The following HLF variants were observed in gnomAD, a reference collection of about 807,000 sequenced individuals.
HLF encodes HLF transcription factor, PAR bZIP family member.
In HLF, 3 loss-of-function variants were observed where a neutral mutation model predicts 22.6. That is an observed-to-expected ratio of 0.13 (90% confidence interval 0.06 to 0.34). HLF has a LOEUF of 0.34. Ranked by LOEUF, HLF falls within the 10% of genes least tolerant of loss-of-function variation. The pLI is 1.00. For missense variants in HLF, 299 were observed against 389.2 expected, an observed-to-expected ratio of 0.77 and a Z score of 1.95; for synonymous variants, 151 against 151.8, an observed-to-expected ratio of 0.99 and a Z score of 0.04.
At chr17:55,288,845 A>AT in intron 2 of HLF, 1 of 733,682 alleles carries the variant, frequency 1.4e-6, no homozygotes, top group Non-Finnish European at 1.7e-6. Flanking sequence ...ATAAAAGTGG[A>AT]TATTGACCCC....
In HLF at chr17:55,320,762, C is replaced by T; in HGVS notation, c.771C>T (p.Ala257=). 6.2e-7 allele frequency: 1 copy of T among 1,613,994 alleles called. No homozygotes were observed. The highest frequency in any genetic ancestry group is 8.5e-7 in the Non-Finnish European group (1 of 1,179,934). ...AAGAGAACCAGATCGCCATCCGGGC[C>T]TCGTTCCTGGAGAAGGAGAACTCGG... ...RLKENQIAIR[A]SFLEKENSAL... Residue 257 remains alanine, a synonymous_variant, in exon 4 of 4, where the codon GCC becomes GCT. Transcript: ENST00000226067. The surrounding 1 kb of genome is among the most constrained non-coding windows in gnomAD (Gnocchi z 4.2).
In HLF at chr17:55,320,554, C is replaced by T. The variant is rs764537983; in HGVS notation, c.673-110C>T. The stretch of plus-strand genomic sequence containing the variant: ...GGAAGGAGACACAAGCTAAGAAACC[C>T]GGGCTGGCACCTCTGCACAATCCTG... On this transcript the variant is annotated intron_variant, in intron 3 of 3. Coordinates refer to ENST00000226067, the MANE Select transcript of HLF (RefSeq NM_002126.5). The surrounding 1 kb of genome is among the most constrained non-coding windows in gnomAD (Gnocchi z 4.2). The T allele has an allele frequency of 1.4e-5, 12 of 852,184 alleles. No homozygotes were observed. Among genetic ancestry groups the T allele is most frequent in the South Asian group, 7.2e-5 (4 of 55,880 alleles). 52.8% of individuals were successfully genotyped at this position (852,184 alleles called of 1,614,324 possible). A position where few individuals can be genotyped will look rare whatever the true frequency, so the allele number is the denominator to read the frequency against.
chr17:55,270,952 C>T (rs1402869093), intron 2 of HLF, among the ~76,000 whole-genome samples: 1 of 152,128 alleles, frequency 6.6e-6, no homozygotes, highest in Non-Finnish European at 1.5e-5. Flanking sequence ...TTGGGTAAAT[C>T]TTGTGTCTTA....
intron 3 of HLF, among the ~76,000 whole-genome samples, chr17:55,319,680 G>A (rs1325644680): frequency 6.6e-6 from 1 of 151,942 alleles, no homozygotes; most frequent in Non-Finnish European, 1.5e-5. Context: ...GTAAATTCTG[G>A]CCACCAATAT....
intron 2 of HLF, among the ~76,000 whole-genome samples, chr17:55,276,438 AG>A (rs1389265451): frequency 1.3e-5 from 2 of 152,230 alleles, no homozygotes; most frequent in Non-Finnish European, 2.9e-5. Context: ...ATAAGGGAGC[AG>A]TATAGCCAAT....
At chr17:55,273,530 T>G (rs1234874292) in intron 2 of HLF, 2 of 152,240 alleles carry the variant, frequency 1.3e-5, no homozygotes, top group Non-Finnish European at 2.9e-5. Flanking sequence ...TTCTCTTCCT[T>G]CTGGGTTGGG....
chr17:55,318,545 A>G (rs1905152340), intron 3 of HLF, among the ~76,000 whole-genome samples: 1 of 152,150 alleles, frequency 6.6e-6, no homozygotes, highest in African/African-American at 2.4e-5. Flanking sequence ...CTTACACCAC[A>G]TCAAGCCTGT....
chr17:55,267,998 C>A lies in HLF; in HGVS notation c.363C>A (p.Pro121=). 2 of 1,613,818 alleles carry A rather than the reference C, an allele frequency of 1.2e-6. No individual in the cohort carries two copies. Among genetic ancestry groups the A allele is most frequent in the Non-Finnish European group, 1.7e-6 (2 of 1,179,846 alleles). The change falls in exon 2 of 4, where the codon CCC becomes CCA. Residue 121 remains proline (P), a synonymous_variant. Coordinates refer to ENST00000226067, the MANE Select transcript of HLF (RefSeq NM_002126.5). ...TGCAGCCAGCTTCCTCGGCTGCCCC[C>A]TCGGTCATGGACCTCAGCAGCCGGG... The part of the protein sequence containing the change: ...PGLQPASSAA[P]SVMDLSSRAS...
intron 2 of HLF, among the ~76,000 whole-genome samples, chr17:55,298,457 G>A (rs1303492047): frequency 6.6e-6 from 1 of 152,156 alleles, no homozygotes; most frequent in Non-Finnish European, 1.5e-5. Flanking sequence ...TTATGCCTGT[G>A]AAATATAAAG....
Position 55,267,757 on chromosome 17 carries a change from G to A in HLF, c.122G>A (p.Ser41Asn), listed in dbSNP as rs2080807884. The A allele has an allele frequency of 6.4e-7, 1 of 1,563,466 alleles. No individual in the cohort carries two copies. Among genetic ancestry groups the A allele is most frequent in the East Asian group, 2.3e-5 (1 of 43,688 alleles). ...GCTTTCCCTTCTTCTGCAGCATTTA[G>A]TAAAGATAAAGACAAGGAAAAGAAG... ...KLPLHHEDAF[S>N]KDKDKEKKLD... Residue 41 changes from serine (S) to asparagine (N), a missense_variant, in exon 2 of 4, where the codon AGT (serine) becomes AAT (asparagine). By Grantham distance (46) the Ser-to-Asn change is conservative. Around this residue, in one of 3 missense-constraint regions of HLF, gnomAD observed 72 missense variants for 74.0 expected, o/e 0.97. Transcript: ENST00000226067.
At position 55,322,125 on chromosome 17, in the gene HLF, T is replaced by C. The variant is rs1905281390; in HGVS notation, c.*1246T>C. ...TGATTCTGAAGCTTATGTTTCTTAT[T>C]CTCTGTTTGCTTTTGAACGTATGTG... is the stretch of plus-strand genomic sequence containing the variant. On this transcript the variant is annotated 3_prime_UTR_variant, in exon 4 of 4. Coordinates refer to ENST00000226067, the MANE Select transcript of HLF (RefSeq NM_002126.5). The C allele has an allele frequency of 9.7e-6, 2 of 205,856 alleles. No individual in the cohort carries two copies. 12.8% of individuals were successfully genotyped at this position (205,856 alleles called of 1,614,324 possible).
At position 55,321,373 on chromosome 17, in the gene HLF, CA is replaced by C. The variant is rs1905256770; in HGVS notation, c.*495del. On this transcript the variant is annotated 3_prime_UTR_variant, in exon 4 of 4. Transcript: ENST00000226067. ...CGTAAGTTACCATGCTAATGAGGTG[CA>C]CACAATAACTTAGCACTACTCCGCA... The C allele has an allele frequency of 4.2e-6, 1 of 237,618 alleles. No homozygotes were observed. 14.7% of individuals were successfully genotyped at this position (237,618 alleles called of 1,614,324 possible).
At chr17:55,281,126 A>T (rs1354049996) in intron 2 of HLF, among the ~76,000 whole-genome samples, 1 of 152,236 alleles carries the variant, frequency 6.6e-6, no homozygotes, top group African/African-American at 2.4e-5. Context: ...TACAAAGTAC[A>T]TCAGCATGAA....
At chr17:55,311,581 G>A (rs1201957189) in intron 2 of HLF, among the ~76,000 whole-genome samples, 1 of 152,188 alleles carries the variant, frequency 6.6e-6, no homozygotes, top group Non-Finnish European at 1.5e-5. Context: ...ATCATATTGT[G>A]TGACACGTGC....
intron 2 of HLF, among the ~76,000 whole-genome samples, chr17:55,281,061 G>C (rs534130852): frequency 1.3e-4 from 20 of 152,206 alleles, no homozygotes; most frequent in Non-Finnish European, 2.5e-4. Context: ...GTTGTGCACT[G>C]TACATGTGGA....
At chr17:55,310,517 A>G (rs1049361503) in intron 2 of HLF, among the ~76,000 whole-genome samples, 1 of 152,204 alleles carries the variant, frequency 6.6e-6, no homozygotes, top group African/African-American at 2.4e-5. Context: ...ACAAGCCTTT[A>G]TATTGAAGGA....
chr17:55,324,730 C>T lies in HLF; in HGVS notation c.*3851C>T, dbSNP rs1905393318. 4.3e-6 allele frequency: 1 copy of T among 233,088 alleles called. No individual in the cohort carries two copies. The highest frequency in any genetic ancestry group is 5.6e-5 in the Admixed American group (1 of 17,778). 14.4% of individuals were successfully genotyped at this position (233,088 alleles called of 1,614,324 possible). Reference sequence around the variant, plus strand: ...ATGTCATTTAAAAAATGAGCAAAGCCTTATCCGAATCGGATATAGCAACTA... The same window carrying T: ...ATGTCATTTAAAAAATGAGCAAAGCTTTATCCGAATCGGATATAGCAACTA... On this transcript the variant is annotated 3_prime_UTR_variant, in exon 4 of 4. Coordinates refer to ENST00000226067, the MANE Select transcript of HLF (RefSeq NM_002126.5).
intron 2 of HLF, among the ~76,000 whole-genome samples, chr17:55,284,531 C>T (rs1047214062): frequency 2.6e-5 from 4 of 152,174 alleles, no homozygotes; most frequent in Admixed American, 2.6e-4. Context: ...GGGAGTCGCT[C>T]ATCAACTCAG....
chr17:55,307,644 T>TG (rs995963950), intron 2 of HLF, among the ~76,000 whole-genome samples: 1 of 152,136 alleles, frequency 6.6e-6, no homozygotes, highest in African/African-American at 2.4e-5. Flanking sequence ...TGTTAGGATC[T>TG]GGGGGGTGTT....
Sources: gnomAD v4.1 joint callset for allele counts (sites outside exome capture counted in the v4.1 genomes callset) on GRCh38, gnomAD v4.1.1 for gene constraint, gnomAD v4.1.1 regional missense constraint, Gnocchi (gnomAD v3.1) non-coding constraint, MANE v1.5 for transcripts, NCBI Gene and HGNC (gene_info 2026-07-23, HGNC 2026-07-21) for gene names.